Variants in ATXN1 observed in about 807,000 individuals in gnomAD.
ATXN1 encodes the protein ataxin-1.
Under a neutral mutation model 56.4 loss-of-function variants are expected in ATXN1, and 8 were observed. That is an observed-to-expected ratio of 0.14 (90% CI 0.08 to 0.26). The LOEUF is 0.26. ATXN1 is among the 10% of genes least tolerant of loss of function. The pLI is 1.00. For missense variants in ATXN1, 987 were observed against 1,106.5 expected (o/e 0.89, Z 1.53); for synonymous variants, 514 against 494.6 (o/e 1.04, Z -0.52).
chr6:16,613,356 A>T (rs1400584403), intron 3 of ATXN1, among the ~76,000 whole-genome samples: 1 of 151,442 alleles, frequency 6.6e-6, no homozygotes, highest in South Asian at 2.1e-4. Context: ...CATATATTTT[A>T]AAATATATAC....
At chr6:16,685,789 C>A (rs1055018915) in intron 2 of ATXN1, among the ~76,000 whole-genome samples, 1 of 152,086 alleles carries the variant, frequency 6.6e-6, no homozygotes, top group African/African-American at 2.4e-5. Flanking sequence ...ATTATCAAGT[C>A]CTAAACAAAA....
intron 6 of ATXN1, among the ~76,000 whole-genome samples, chr6:16,449,316 T>C (rs564898103): frequency 2.7e-4 from 41 of 152,254 alleles, no homozygotes; most frequent in African/African-American, 8.9e-4. Flanking sequence ...ACATGTAGTA[T>C]AAAATGGTGT....
intron 4 of ATXN1, among the ~76,000 whole-genome samples, chr6:16,531,821 A>G (rs1250170054): frequency 1.3e-5 from 2 of 152,200 alleles, no homozygotes; most frequent in Admixed American, 6.5e-5. Flanking sequence ...CTTATTCAGT[A>G]AATACTTAAA....
chr6:16,728,442 T>A (rs1279970428), intron 2 of ATXN1, among the ~76,000 whole-genome samples: 1 of 152,110 alleles, frequency 6.6e-6, no homozygotes. Context: ...ACAAACAGGA[T>A]ATGTATGGGC....
rs1046463347 is a variant in ATXN1 at position 16,302,976 on chromosome 6, CGTTCTTCCTATTTGAAGA to C, written c.*3335_*3352del. The C allele has an allele frequency of 6.6e-6, 1 of 152,632 alleles. No homozygotes were observed. The highest frequency in any genetic ancestry group is 1.5e-5 in the Non-Finnish European group (1 of 68,038). The allele number at this position is 152,632 out of a possible 1,614,324, so 9.5% of individuals were successfully genotyped here. On this transcript the variant is annotated 3_prime_UTR_variant, in exon 8 of 8. Transcript: ENST00000436367. Reference sequence around the variant, plus strand: ...AAACAGGAGGCTCCTGCCCTCTGTGCGTTCTTCCTATTTGAAGAGAAAGCTGCCACAAGGGAGTGGTGA... The same window carrying C: ...AAACAGGAGGCTCCTGCCCTCTGTGCGAAAGCTGCCACAAGGGAGTGGTGA...
chr6:16,629,476 C>G (rs1338541692), intron 3 of ATXN1, among the ~76,000 whole-genome samples: 1 of 152,002 alleles, frequency 6.6e-6, no homozygotes. Flanking sequence ...TACAGGCACT[C>G]GCCACCAGCC....
chr6:16,702,970 C>T (rs2113440345), intron 2 of ATXN1, among the ~76,000 whole-genome samples: 1 of 152,182 alleles, frequency 6.6e-6, no homozygotes, highest in East Asian at 1.9e-4. Flanking sequence ...ACCCAGCCAT[C>T]CCATTACTGG....
chr6:16,335,637 C>G (rs925488956), intron 6 of ATXN1, among the ~76,000 whole-genome samples: 2 of 152,206 alleles, frequency 1.3e-5, no homozygotes, highest in African/African-American at 4.8e-5. Flanking sequence ...TATGCCCACT[C>G]AGAACCTGGG....
chr6:16,450,963 G>T (rs1759740684), intron 6 of ATXN1, among the ~76,000 whole-genome samples: 1 of 152,186 alleles, frequency 6.6e-6, no homozygotes, highest in African/African-American at 2.4e-5. Context: ...TTAGAACAAA[G>T]ATTAAAGTAG....
rs1212678437 is a variant in ATXN1, at chr6:16,300,401, G to A, written c.*5928C>T. On this transcript the variant is annotated 3_prime_UTR_variant, in exon 8 of 8. Coordinates refer to ENST00000436367, the MANE Select transcript of ATXN1 (RefSeq NM_001128164.2). The stretch of plus-strand genomic sequence containing the variant: ...CAGGAGAAAGTTAGCTACCAGAACA[G>A]TTGCCTTCAACGAGAAGGGAGGGGA... 6.6e-6 allele frequency: 1 copy of A among 152,644 alleles called. No individual in the cohort carries two copies. Among genetic ancestry groups the A allele is most frequent in the Admixed American group, 6.5e-5 (1 of 15,274 alleles). The allele number at this position is 152,644 out of a possible 1,614,324, so 9.5% of individuals were successfully genotyped here.
intron 2 of ATXN1, among the ~76,000 whole-genome samples, chr6:16,715,994 C>A (rs1759633071): frequency 6.6e-6 from 1 of 152,198 alleles, no homozygotes; most frequent in Non-Finnish European, 1.5e-5. Flanking sequence ...AGAACTCAAT[C>A]TCCTTTGAGA....
At chr6:16,526,591 C>G (rs1581822000) in intron 4 of ATXN1, among the ~76,000 whole-genome samples, 1 of 151,924 alleles carries the variant, frequency 6.6e-6, no homozygotes, top group Non-Finnish European at 1.5e-5. Context: ...ATGGTGAAAC[C>G]CTGTCTCTAC....
rs549047712 is a variant in ATXN1, at chr6:16,459,919, C to A, written c.-161+26053G>T. On this transcript the variant is annotated intron_variant, in intron 6 of 7. Transcript: ENST00000436367. ...GGGTACAAGGCATCTAAATCGAAGG[C>A]CCAGCTCTGCCTACAACAAGTCAAA... Among the ~76,000 whole-genome samples the A allele has an allele frequency of 1.9e-3, 286 of 152,312 alleles. 1 individual carries two copies. The highest frequency in any genetic ancestry group is 6.4e-3 in the African/African-American group (268 of 41,570).
At chr6:16,431,875 T>C (rs1486469469) in intron 6 of ATXN1, among the ~76,000 whole-genome samples, 1 of 152,216 alleles carries the variant, frequency 6.6e-6, no homozygotes, top group East Asian at 1.9e-4. Flanking sequence ...CTATTTATCA[T>C]TCTAACAGGA....
intron 2 of ATXN1, among the ~76,000 whole-genome samples, chr6:16,685,651 T>C (rs780385127): frequency 3.3e-5 from 5 of 152,176 alleles, no homozygotes; most frequent in Non-Finnish European, 5.9e-5. Flanking sequence ...TTGAGCCTAA[T>C]TGATAAAGCT....
rs928846363 is a variant in ATXN1, at chr6:16,522,388, G to A, written c.-299+239C>T. On this transcript the variant is annotated intron_variant, in intron 5 of 7. Transcript: ENST00000436367. ...AGGTAATAGCAACAATGATGACCTC[G>A]CACGAGGCAAAGCATGTGAACGGCA... is the stretch of plus-strand genomic sequence containing the variant. Among the ~76,000 whole-genome samples the A allele has an allele frequency of 3.9e-5, 6 of 152,054 alleles. No homozygotes were observed. In the South Asian group the frequency reaches 6.2e-4, roughly 16 times the overall value.
chr6:16,646,887 T>C (rs2113826364), intron 3 of ATXN1, among the ~76,000 whole-genome samples: 1 of 152,356 alleles, frequency 6.6e-6, no homozygotes, highest in South Asian at 2.1e-4. Context: ...TGGAAAAATT[T>C]TACCACAAAC....
intron 5 of ATXN1, among the ~76,000 whole-genome samples, chr6:16,510,694 C>T (rs909055398): frequency 1.3e-5 from 2 of 152,108 alleles, no homozygotes; most frequent in Non-Finnish European, 2.9e-5. Context: ...GCTGTGAGTG[C>T]ACCACTGCAC....
At chr6:16,539,358 A>G (rs1418165729) in intron 4 of ATXN1, among the ~76,000 whole-genome samples, 1 of 152,168 alleles carries the variant, frequency 6.6e-6, no homozygotes, top group African/African-American at 2.4e-5. Context: ...CCAGCCAACT[A>G]GCTCAGAGGC....
Sources: allele counts gnomAD v4.1 joint callset (sites outside exome capture counted in the v4.1 genomes callset), GRCh38; gene constraint gnomAD v4.1.1; transcripts MANE v1.5; gene names NCBI Gene and HGNC (gene_info 2026-07-23, HGNC 2026-07-21).